Variants in SV2B observed in about 807,000 individuals in gnomAD.
The protein encoded by SV2B is solute carrier family 22 member B2.
Under a neutral mutation model 73.9 loss-of-function variants are expected in SV2B, and 41 were observed. The ratio of observed to expected loss-of-function variants is 0.56; its 90% CI spans 0.43 to 0.72. The LOEUF (loss-of-function observed/expected upper bound fraction) is 0.72, where lower values mean the gene tolerates loss of function less well. Among genes scored for constraint, SV2B ranks in the 30% least tolerant of loss-of-function variants. The pLI is 0.00. For missense variants in SV2B, 764 were observed against 857.8 expected, an observed-to-expected ratio of 0.89 and a Z score of 1.37; for synonymous variants, 314 against 314.2, an observed-to-expected ratio of 1.00 and a Z score of 0.01.
At chr15:91,114,728 G>A (rs2151734441) in intron 1 of SV2B, among the ~76,000 whole-genome samples, 1 of 152,232 alleles carries the variant, frequency 6.6e-6, no homozygotes, top group South Asian at 2.1e-4. Flanking sequence ...TCTGTGCTAG[G>A]CTCCAGGGAA....
chr15:91,208,667 A>G (rs1218156159), intron 1 of SV2B, among the ~76,000 whole-genome samples: 2 of 152,222 alleles, frequency 1.3e-5, no homozygotes, highest in East Asian at 3.8e-4. Flanking sequence ...AGGTCTTCTC[A>G]AAAATTCATC....
chr15:91,206,963 G>A (rs1178843680), intron 1 of SV2B, among the ~76,000 whole-genome samples: 1 of 152,160 alleles, frequency 6.6e-6, no homozygotes, highest in African/African-American at 2.4e-5. Flanking sequence ...AGGCTTGAGA[G>A]AGTGAGAAGG....
Position 91,199,933 on chromosome 15 carries a change from G to A in SV2B, c.-391-25940G>A, listed in dbSNP as rs547436753. 5.9e-5 allele frequency among the ~76,000 whole-genome samples: 9 copies of A among 152,312 alleles called. No homozygotes were observed. The South Asian group carries it at 1.7e-3, about 28-fold the overall frequency. ...CTGTGTGAGGCTGGGCCTGCAGGCT[G>A]AGGGTCTTCATATGGACTGCCCCGC... On this transcript the variant is annotated intron_variant, in intron 1 of 12. Coordinates refer to ENST00000394232, the MANE Select transcript of SV2B (RefSeq NM_001323032.3).
At chr15:91,206,902 C>A (rs771882313) in intron 1 of SV2B, among the ~76,000 whole-genome samples, 2 of 151,940 alleles carry the variant, frequency 1.3e-5, no homozygotes, top group African/African-American at 2.4e-5. Flanking sequence ...ACACATCATC[C>A]CAAATAGAAA....
chr15:91,177,520 A>G (rs2044362159), intron 1 of SV2B, among the ~76,000 whole-genome samples: 1 of 150,358 alleles, frequency 6.7e-6, no homozygotes, highest in African/African-American at 2.5e-5. Context: ...CTTCCTACCC[A>G]TGAGCATGGA....
At chr15:91,181,137 T>C (rs2044539334) in intron 1 of SV2B, among the ~76,000 whole-genome samples, 1 of 152,214 alleles carries the variant, frequency 6.6e-6, no homozygotes, top group South Asian at 2.1e-4. Context: ...TGCAGGTCTG[T>C]TGGAGTTTGC....
chr15:91,214,140 G>T lies in SV2B; in HGVS notation c.-391-11733G>T, dbSNP rs530947305. ...GACTACTGGGAAGTGGACCGGTTCC[G>T]GATCTCTAGAGGAGGGAGCTGGCAT... On this transcript the variant is annotated intron_variant, in intron 1 of 12. Transcript: ENST00000394232. The surrounding 1 kb of genome is among the most constrained non-coding windows in gnomAD (Gnocchi z 4.7). Among the ~76,000 whole-genome samples the T allele has an allele frequency of 6.6e-6, 1 of 152,186 alleles. No homozygotes were observed. Among genetic ancestry groups the T allele is most frequent in the African/African-American group, 2.4e-5 (1 of 41,450 alleles).
intron 1 of SV2B, among the ~76,000 whole-genome samples, chr15:91,201,520 C>T (rs776465996): frequency 9.9e-5 from 15 of 152,126 alleles, no homozygotes; most frequent in Admixed American, 6.5e-4. Context: ...TTTCATAAGC[C>T]GTGTGCAGTG....
chr15:91,267,048 G>T lies in SV2B; in HGVS notation c.1119+356G>T. 5.2e-6 allele frequency: 1 copy of T among 190,794 alleles called. No individual in the cohort carries two copies. The highest frequency in any genetic ancestry group is 1.3e-4 in the East Asian group (1 of 7,642). The allele number at this position is 190,794 out of a possible 1,614,324, so 11.8% of individuals were successfully genotyped here. On this transcript the variant is annotated intron_variant, in intron 7 of 12. Transcript: ENST00000394232. The surrounding 1 kb of genome is among the most constrained non-coding windows in gnomAD (Gnocchi z 4.3). ...TAAAATAAATGACCCCTTGAGGCTT[G>T]TTCTTGATTTCCAAGAAACATTTTT...
In SV2B at chr15:91,118,088, G is replaced by GC. The variant is rs1293313338; in HGVS notation, c.-392+17727dup. Reference sequence around the variant, plus strand: ...AGTGGGTAGAATTTTTGAAATCTTGGCCTGTAACAAATACTAGCTTGAGGT... The same window carrying GC: ...AGTGGGTAGAATTTTTGAAATCTTGGCCCTGTAACAAATACTAGCTTGAGGT... On this transcript the variant is annotated intron_variant, in intron 1 of 12. Coordinates refer to ENST00000394232, the MANE Select transcript of SV2B (RefSeq NM_001323032.3). This position sits in a 1 kb window ranked among gnomAD's most constrained non-coding sequence, Gnocchi z 4.7. Among the ~76,000 whole-genome samples the GC allele has an allele frequency of 3.9e-5, 6 of 152,134 alleles. No individual in the cohort carries two copies. Among genetic ancestry groups the GC allele is most frequent in the Admixed American group, 3.9e-4 (6 of 15,266 alleles).
At chr15:91,287,363 C>G (rs1241426704) in intron 11 of SV2B, among the ~76,000 whole-genome samples, 1 of 152,194 alleles carries the variant, frequency 6.6e-6, no homozygotes, top group African/African-American at 2.4e-5. Flanking sequence ...TGGTGGGGCA[C>G]TCGTGCCCTG....
rs370476072 is a variant in SV2B at position 91,190,225 on chromosome 15, C to A, written c.-391-35648C>A. 6.6e-5 allele frequency among the ~76,000 whole-genome samples: 10 copies of A among 152,100 alleles called. No individual in the cohort carries two copies. In the East Asian group the frequency reaches 7.7e-4, roughly 12 times the overall value. ...ATGTTGGTGTGCTGTGATTTATGTT[C>A]ATCTTTTATCTATCTACCTTGGATT... On this transcript the variant is annotated intron_variant, in intron 1 of 12. Coordinates refer to ENST00000394232, the MANE Select transcript of SV2B (RefSeq NM_001323032.3).
intron 1 of SV2B, among the ~76,000 whole-genome samples, chr15:91,149,294 G>A (rs1596478680): frequency 6.6e-6 from 1 of 152,222 alleles, no homozygotes; most frequent in Non-Finnish European, 1.5e-5. Flanking sequence ...AGTAAGATGA[G>A]GGGATAGGAG....
intron 2 of SV2B, among the ~76,000 whole-genome samples, chr15:91,248,569 G>A (rs910412356): frequency 2.1e-4 from 32 of 152,182 alleles, no homozygotes; most frequent in African/African-American, 6.5e-4. Flanking sequence ...GAGAGGTTTT[G>A]CTCCCAAATC....
intron 1 of SV2B, among the ~76,000 whole-genome samples, chr15:91,183,428 G>C (rs527839515): frequency 6.6e-6 from 1 of 152,284 alleles, no homozygotes; most frequent in Non-Finnish European, 1.5e-5. Flanking sequence ...AAATAGTTCA[G>C]ATATGAACTG....
chr15:91,205,651 C>T (rs2045609557), intron 1 of SV2B, among the ~76,000 whole-genome samples: 1 of 152,108 alleles, frequency 6.6e-6, no homozygotes, highest in Non-Finnish European at 1.5e-5. Flanking sequence ...CAGGTGTGAG[C>T]CACCACGCCC....
intron 2 of SV2B, among the ~76,000 whole-genome samples, chr15:91,230,969 T>C (rs557398486): frequency 4.6e-5 from 7 of 152,278 alleles, no homozygotes; most frequent in African/African-American, 1.7e-4. Flanking sequence ...TTAGGTGATT[T>C]GTTTTTGCAA....
rs1373291709 is a variant in SV2B, at chr15:91,136,413, A to G, written c.-392+36050A>G. ...CTAGGGGCCTTAGGTATATTCTCGGAGAGAGAACCTTTATTTACCCGTGCC... is the reference window on the plus strand; with the variant it reads ...CTAGGGGCCTTAGGTATATTCTCGGGGAGAGAACCTTTATTTACCCGTGCC... On this transcript the variant is annotated intron_variant, in intron 1 of 12. Transcript: ENST00000394232. This position sits in a 1 kb window ranked among gnomAD's most constrained non-coding sequence, Gnocchi z 5.6. Among the ~76,000 whole-genome samples the G allele has an allele frequency of 1.3e-5, 2 of 152,148 alleles. No individual in the cohort carries two copies. Among genetic ancestry groups the G allele is most frequent in the Non-Finnish European group, 2.9e-5 (2 of 68,022 alleles).
chr15:91,301,222 C>T lies in SV2B; in HGVS notation c.*8670C>T, dbSNP rs1261144549. On this transcript the variant is annotated 3_prime_UTR_variant, in exon 13 of 13. Coordinates refer to ENST00000394232, the MANE Select transcript of SV2B (RefSeq NM_001323032.3). The surrounding 1 kb of genome is among the most constrained non-coding windows in gnomAD (Gnocchi z 4.3). ...TACCGTATGTCCATGTAGAGTTGCT[C>T]ATATTAGTCTGTAAATAATTCTATG... The T allele has an allele frequency of 1.3e-5, 2 of 152,308 alleles. No individual in the cohort carries two copies. The highest frequency in any genetic ancestry group is 3.9e-4 in the East Asian group (2 of 5,192). 9.4% of individuals were successfully genotyped at this position (152,308 alleles called of 1,614,324 possible).
Sources: gnomAD v4.1 joint callset for allele counts (sites outside exome capture counted in the v4.1 genomes callset) on GRCh38, gnomAD v4.1.1 for gene constraint, Gnocchi (gnomAD v3.1) non-coding constraint, MANE v1.5 for transcripts, NCBI Gene and HGNC (gene_info 2026-07-23, HGNC 2026-07-21) for gene names.